The following CDON variants were observed in gnomAD, a reference collection of about 807,000 sequenced individuals.
The protein encoded by CDON is cell adhesion molecule-related/down-regulated by oncogenes.
In CDON, 73 loss-of-function variants were observed where a neutral mutation model predicts 120.9. That is an observed-to-expected ratio of 0.60 (90% CI 0.50 to 0.73). The LOEUF is 0.73. Among genes scored for constraint, CDON ranks in the 30% least tolerant of loss-of-function variants. CDON has a pLI of 0.00. For missense variants in CDON, 1,470 were observed against 1,587.3 expected, an observed-to-expected ratio of 0.93 and a Z score of 1.26; for synonymous variants, 566 against 573.5, an observed-to-expected ratio of 0.99 and a Z score of 0.19.
At chr11:125,975,540 T>C (rs1946127622) in intron 18 of CDON, among the ~76,000 whole-genome samples, 3 of 152,230 alleles carry the variant, frequency 2.0e-5, no homozygotes, top group African/African-American at 7.2e-5. Context: ...TATCCTACTA[T>C]TCTCTAGTTG....
In CDON at chr11:126,010,677, C is replaced by G. The variant is rs771565069; in HGVS notation, c.1216G>C (p.Val406Leu). 2.5e-6 allele frequency: 4 copies of G among 1,614,082 alleles called. No homozygotes were observed. Among genetic ancestry groups the G allele is most frequent in the Non-Finnish European group, 2.5e-6 (3 of 1,179,932 alleles). Residue 406 changes from valine to leucine, a missense_variant, in exon 8 of 20, where the codon GTT (valine) becomes CTT (leucine). Coordinates refer to ENST00000531738, the MANE Select transcript of CDON (RefSeq NM_001378964.1). The stretch of plus-strand genomic sequence containing the variant: ...GCACTTACTGGTGCCGTAATTATAA[C>G]TGGCTTGAATCCACCGTCTATTAAA... ...EIENDGGFKP[V>L]IITAPVSAKV...
intron 1 of CDON, among the ~76,000 whole-genome samples, chr11:126,061,735 GCTGA>G (rs1255052714): frequency 6.6e-6 from 1 of 152,204 alleles, no homozygotes; most frequent in African/African-American, 2.4e-5. Context: ...GGACACAAAG[GCTGA>G]CTTTCTGTTG....
Position 125,992,556 on chromosome 11 carries a change from C to T in CDON, c.2650+1728G>A, listed in dbSNP as rs573530051. ...CATGAGACAGCTACTATCGTGAGTCCTAAGAGCACAGAATAGTTTTGGCAC... is the reference window on the plus strand; with the variant it reads ...CATGAGACAGCTACTATCGTGAGTCTTAAGAGCACAGAATAGTTTTGGCAC... On this transcript the variant is annotated intron_variant, in intron 14 of 19. Transcript: ENST00000531738. Among the ~76,000 whole-genome samples the T allele has an allele frequency of 4.6e-5, 7 of 152,164 alleles. No homozygotes were observed. The East Asian group carries it at 1.4e-3, about 29-fold the overall frequency.
intron 7 of CDON, among the ~76,000 whole-genome samples, chr11:126,011,867 T>C (rs904433852): frequency 1.3e-5 from 2 of 152,228 alleles, no homozygotes; most frequent in African/African-American, 2.4e-5. Context: ...AATGTATCTT[T>C]TATACAATGT....
intron 15 of CDON, among the ~76,000 whole-genome samples, chr11:125,986,137 T>C (rs1387257836): frequency 6.6e-6 from 1 of 152,110 alleles, no homozygotes; most frequent in African/African-American, 2.4e-5. Flanking sequence ...TATGCAGCCA[T>C]GAAAAGGATG....
At position 126,005,795 on chromosome 11, in the gene CDON, C is replaced by T; in HGVS notation, c.1815G>A (p.Gly605=). 1 of 1,613,978 alleles carries T rather than the reference C, an allele frequency of 6.2e-7. No individual in the cohort carries two copies. The highest frequency in any genetic ancestry group is 8.5e-7 in the Non-Finnish European group (1 of 1,180,004). The change falls in exon 9 of 20, where the codon GGG becomes GGA. Residue 605 remains glycine, a synonymous_variant. Coordinates refer to ENST00000531738, the MANE Select transcript of CDON (RefSeq NM_001378964.1). Reference sequence around the variant, plus strand: ...TCACAAAGTAAGCATTGATGGGCAGCCCACCATCCTTGCCTGCCCTCCACA... The same window carrying T: ...TCACAAAGTAAGCATTGATGGGCAGTCCACCATCCTTGCCTGCCCTCCACA... The part of the protein sequence containing the change: ...NLVWRAGKDG[G]LPINAYFVKY...
At chr11:125,965,874 C>A (rs1385308152) in intron 18 of CDON, among the ~76,000 whole-genome samples, 1 of 152,204 alleles carries the variant, frequency 6.6e-6, no homozygotes. Context: ...GTGGCTCACA[C>A]CTGTAATCCC....
In CDON at chr11:125,997,360, C is replaced by CTGA. The variant is rs757923582; in HGVS notation, c.2206_2208dup (p.Ser736dup). ...GCCCGAGGAATCCAAGTGACATAGA[C>CTGA]TGATGTCTCTGATGCAGTGGAGATG... On this transcript the variant is annotated inframe_insertion, in exon 12 of 20. Coordinates refer to ENST00000531738, the MANE Select transcript of CDON (RefSeq NM_001378964.1). 5.3e-5 allele frequency: 86 copies of CTGA among 1,613,790 alleles called. No homozygotes were observed. Among genetic ancestry groups the CTGA allele is most frequent in the Non-Finnish European group, 7.1e-5 (84 of 1,179,880 alleles).
chr11:126,009,336 C>T (rs1012228320), intron 8 of CDON, among the ~76,000 whole-genome samples: 1 of 152,194 alleles, frequency 6.6e-6, no homozygotes, highest in Non-Finnish European at 1.5e-5. Flanking sequence ...GCCAAGGACC[C>T]CCCGTTGACC....
Position 126,019,860 on chromosome 11 carries a change from C to T in CDON, c.350-95G>A, listed in dbSNP as rs3740911. 101,556 of 1,148,262 alleles carry T rather than the reference C, an allele frequency of 0.088. 4,972 individuals are homozygous for T. The highest frequency in any genetic ancestry group is 0.13 in the Admixed American group (6,927 of 51,312). The allele number at this position is 1,148,262 out of a possible 1,614,324, so 71.1% of individuals were successfully genotyped here. A position where few individuals can be genotyped will look rare whatever the true frequency, so the allele number is the denominator to read the frequency against. ...CAAATTAGAAACAACATCTGCAGCA[C>T]GGCCTTTTGTGGCAGCTGACCCCAG... On this transcript the variant is annotated intron_variant, in intron 3 of 19. Transcript: ENST00000531738.
chr11:125,983,976 A>G lies in CDON; in HGVS notation c.2891T>C (p.Met964Thr). 1 of 1,614,086 alleles carries G rather than the reference A, an allele frequency of 6.2e-7. No homozygotes were observed. The highest frequency in any genetic ancestry group is 2.2e-5 in the East Asian group (1 of 44,866). The change falls in exon 16 of 20, where the codon ATG (methionine) becomes ACG (threonine). Residue 964 changes from methionine to threonine, a missense_variant. Coordinates refer to ENST00000531738, the MANE Select transcript of CDON (RefSeq NM_001378964.1). ...PATSPARSSD[M>T]LYLIVGCVLG... ...CACACAGCCAACGATCAGATATAAC[A>G]TGTCACTGCTTCTGGCAGGGCTGGT...
Position 125,983,991 on chromosome 11 carries a change from G to A in CDON, c.2876C>T (p.Ala959Val). ...GGNVGPATSP[A>V]RSSDMLYLIV... is the part of the protein sequence containing the mutation. Reference sequence around the variant, plus strand: ...CAGATATAACATGTCACTGCTTCTGGCAGGGCTGGTTGCAGGCCCCACATT... The same window carrying A: ...CAGATATAACATGTCACTGCTTCTGACAGGGCTGGTTGCAGGCCCCACATT... Residue 959 changes from alanine to valine, a missense_variant, in exon 16 of 20, where the codon GCC (alanine) becomes GTC (valine). Physicochemically the swap from Ala to Val is moderately conservative, Grantham distance 64. Transcript: ENST00000531738. 6.2e-7 allele frequency: 1 copy of A among 1,614,046 alleles called. No homozygotes were observed. The highest frequency in any genetic ancestry group is 2.2e-5 in the East Asian group (1 of 44,872).
chr11:125,995,113 T>C (rs1946745664), intron 12 of CDON, 61 bp from the exon 13 acceptor site: 3 of 1,446,422 alleles, frequency 2.1e-6, no homozygotes, highest in South Asian at 1.2e-5. Context: ...AGAAAAGCTA[T>C]AATAAGACAA....
intron 1 of CDON, among the ~76,000 whole-genome samples, chr11:126,028,696 CA>C (rs1368864161): frequency 2.0e-5 from 3 of 149,222 alleles, no homozygotes; most frequent in African/African-American, 7.4e-5. Context: ...AAACTTTTAA[CA>C]GCTGCGGAGA....
At chr11:126,018,977 A>G (rs1470637422) in intron 4 of CDON, among the ~76,000 whole-genome samples, 1 of 152,248 alleles carries the variant, frequency 6.6e-6, no homozygotes, top group Non-Finnish European at 1.5e-5. Flanking sequence ...CTACAGAACT[A>G]GCATAGCAAA....
At chr11:125,987,655 A>G (rs1286179706) in intron 15 of CDON, among the ~76,000 whole-genome samples, 1 of 152,220 alleles carries the variant, frequency 6.6e-6, no homozygotes, top group African/African-American at 2.4e-5. Context: ...ATACTATTAT[A>G]CTATTATAAA....
chr11:125,985,630 C>T (rs888282962), intron 15 of CDON, among the ~76,000 whole-genome samples: 1 of 152,122 alleles, frequency 6.6e-6, no homozygotes, highest in Non-Finnish European at 1.5e-5. Flanking sequence ...GCTTATTATA[C>T]CGAATCTCCT....
chr11:125,971,205 A>C (rs1365112950), intron 18 of CDON, among the ~76,000 whole-genome samples: 3 of 152,044 alleles, frequency 2.0e-5, no homozygotes, highest in African/African-American at 4.8e-5. Flanking sequence ...AACACAGTGA[A>C]ACCCCATCTC....
At chr11:125,975,781 C>T (rs78521719) in intron 18 of CDON, among the ~76,000 whole-genome samples, 5,573 of 152,260 alleles carry the variant, frequency 0.037, 304 homozygotes, top group African/African-American at 0.12. Context: ...CCACTGAAGT[C>T]GCCTATTCAT....
Sources: gnomAD v4.1 joint callset for allele counts (sites outside exome capture counted in the v4.1 genomes callset) on GRCh38, gnomAD v4.1.1 for gene constraint, MANE v1.5 for transcripts, NCBI Gene and HGNC (gene_info 2026-07-23, HGNC 2026-07-21) for gene names.